DEPDC5: variants seen among roughly 807,000 people sequenced by gnomAD.
The protein encoded by DEPDC5 is DEP domain containing 5, GATOR1 subcomplex subunit, also known as GATOR1 complex protein DEPDC5.
Under a neutral mutation model 217.3 loss-of-function variants are expected in DEPDC5, and 73 were observed. The ratio of observed to expected loss-of-function variants is 0.34; its 90% confidence interval spans 0.28 to 0.41. The LOEUF (loss-of-function observed/expected upper bound fraction) is 0.41, where lower values mean the gene tolerates loss of function less well. Ranked by LOEUF, DEPDC5 falls within the 10% of genes least tolerant of loss-of-function variation. The pLI is 1.00. For synonymous variants in DEPDC5, 733 were observed against 756.7 expected (o/e 0.97, Z 0.51); for missense variants, 1,675 against 2,070.1 (o/e 0.81, Z 3.70).
At chr22:31,776,040 CAAAAA>C (rs753480175) in intron 7 of DEPDC5, among the ~76,000 whole-genome samples, 3 of 46,978 alleles carry the variant, frequency 6.4e-5, no homozygotes, top group Admixed American at 2.3e-4. Flanking sequence ...GACTACATCT[CAAAAA>C]AAAAAAAAAA....
At chr22:31,787,531 A>G (rs1239489611) in intron 10 of DEPDC5, among the ~76,000 whole-genome samples, 1 of 152,174 alleles carries the variant, frequency 6.6e-6, no homozygotes, top group African/African-American at 2.4e-5. Context: ...AAGAGGCCAG[A>G]CCTGCTGGCT....
intron 37 of DEPDC5, among the ~76,000 whole-genome samples, chr22:31,878,158 G>C (rs529270665): frequency 6.6e-6 from 1 of 151,310 alleles, no homozygotes; most frequent in African/African-American, 2.4e-5. Flanking sequence ...CTGCACTCCA[G>C]CTTCGTGACA....
intron 14 of DEPDC5, among the ~76,000 whole-genome samples, chr22:31,799,595 GCCTCAGCCTCCTGAGTAGC>G (rs530235410): frequency 6.7e-6 from 1 of 149,854 alleles, no homozygotes; most frequent in Non-Finnish European, 1.5e-5. Context: ...TGATTCTCCT[GCCTCAGCCTCCTGAGTAGC>G]CCTCAGCCTC....
chr22:31,905,527 T>A (rs1330654529), intron 41 of DEPDC5, among the ~76,000 whole-genome samples: 2 of 148,498 alleles, frequency 1.3e-5, no homozygotes, highest in Non-Finnish European at 3.0e-5. Context: ...TAGCCTCGAG[T>A]ATGCGGGTGG....
At chr22:31,850,960 C>T (rs1161101236) in intron 31 of DEPDC5, among the ~76,000 whole-genome samples, 2 of 150,630 alleles carry the variant, frequency 1.3e-5, no homozygotes, top group East Asian at 2.0e-4. Flanking sequence ...CCCAGCTACG[C>T]GGGAGGCTGA....
intron 39 of DEPDC5, among the ~76,000 whole-genome samples, chr22:31,895,831 C>G (rs543501111): frequency 1.1e-4 from 16 of 151,828 alleles, no homozygotes; most frequent in Non-Finnish European, 2.1e-4. Flanking sequence ...TGGAAAGACT[C>G]TCATCTGGGG....
At chr22:31,813,648 T>C (rs968714294) in intron 20 of DEPDC5, among the ~76,000 whole-genome samples, 1 of 151,648 alleles carries the variant, frequency 6.6e-6, no homozygotes, top group African/African-American at 2.4e-5. Flanking sequence ...TTAGAGGTTT[T>C]CCCCTTAGGG....
intron 7 of DEPDC5, among the ~76,000 whole-genome samples, chr22:31,770,269 A>G (rs1485185946): frequency 1.3e-5 from 2 of 151,936 alleles, no homozygotes; most frequent in Non-Finnish European, 2.9e-5. Context: ...ATAATTAAGC[A>G]TTCAAATAAT....
intron 8 of DEPDC5, among the ~76,000 whole-genome samples, chr22:31,781,710 A>G (rs112224585): frequency 3.9e-5 from 6 of 152,214 alleles, no homozygotes; most frequent in East Asian, 1.9e-4. Context: ...GATTACAGGC[A>G]TGAGCCACCA....
intron 38 of DEPDC5, among the ~76,000 whole-genome samples, chr22:31,889,258 C>T (rs1446675193): frequency 6.6e-6 from 1 of 152,218 alleles, no homozygotes; most frequent in Admixed American, 6.5e-5. Context: ...AAGCTGAACT[C>T]AGCTGGTCTC....
chr22:31,859,975 G>A (rs989145720), intron 32 of DEPDC5, among the ~76,000 whole-genome samples: 3 of 152,212 alleles, frequency 2.0e-5, no homozygotes, highest in Non-Finnish European at 2.9e-5. Context: ...CTGTCCACCA[G>A]GTTTTGCCTC....
intron 25 of DEPDC5, among the ~76,000 whole-genome samples, chr22:31,836,492 T>G (rs527900496): frequency 6.6e-6 from 1 of 152,370 alleles, no homozygotes; most frequent in African/African-American, 2.4e-5. Context: ...AATCTGTTAC[T>G]TATTTTTGCA....
intron 4 of DEPDC5, 70 bp downstream of exon 4, chr22:31,760,772 A>G: frequency 1.5e-6 from 2 of 1,345,050 alleles, no homozygotes; most frequent in South Asian, 2.6e-5. Context: ...ATCTCTCTTC[A>G]TAATTTCAAG....
intron 24 of DEPDC5, among the ~76,000 whole-genome samples, chr22:31,827,004 T>A (rs1050301112): frequency 1.3e-5 from 2 of 151,856 alleles, no homozygotes; most frequent in African/African-American, 4.8e-5. Context: ...TGTGATCCTT[T>A]CACCTCAGCA....
At chr22:31,808,222 A>T (rs1192778295) in intron 18 of DEPDC5, among the ~76,000 whole-genome samples, 2 of 150,868 alleles carry the variant, frequency 1.3e-5, no homozygotes, top group Non-Finnish European at 2.9e-5. Flanking sequence ...CAGCCTCCCC[A>T]ATAGCTAGGA....
chr22:31,847,947 G>A (rs1022756629), intron 31 of DEPDC5, among the ~76,000 whole-genome samples: 1 of 152,214 alleles, frequency 6.6e-6, no homozygotes, highest in Admixed American at 6.5e-5. Context: ...ATACAATGGG[G>A]TATGGGCATT....
intron 28 of DEPDC5, 68 bp from the exon 29 acceptor site, chr22:31,843,577 A>AGAC (rs1464486176): frequency 1.3e-6 from 2 of 1,541,556 alleles, no homozygotes; most frequent in Non-Finnish European, 1.8e-6. Context: ...ATAGAGATAG[A>AGAC]AAATAAGAAT....
rs867265978 is a variant in DEPDC5, at chr22:31,904,813, G to A, written c.4437-1171G>A. On this transcript the variant is annotated intron_variant, in intron 41 of 42. Transcript: ENST00000651528. ...AGCCTGTAGACAGGGAGCTTACAGT[G>A]CATAGTAGCCTACCCATTTAGTTTG... is the stretch of plus-strand genomic sequence containing the variant. 5.9e-5 allele frequency among the ~76,000 whole-genome samples: 9 copies of A among 152,294 alleles called. No individual in the cohort carries two copies. The South Asian group carries it at 1.2e-3, about 21-fold the overall frequency.
In DEPDC5 at chr22:31,897,721, C is replaced by T. The variant is rs533621894; in HGVS notation, c.4375+68C>T. On this transcript the variant is annotated intron_variant, in intron 40 of 42. Transcript: ENST00000651528. The stretch of plus-strand genomic sequence containing the variant: ...CCCCGTCCCTAACAAGGACACCACT[C>T]TGGGTATCCAGTCAACACGGACTAG... The T allele has an allele frequency of 2.6e-6, 4 of 1,558,148 alleles. No homozygotes were observed. In the South Asian group the frequency reaches 4.7e-5, roughly 18 times the overall value.
Sources: allele counts gnomAD v4.1 joint callset (sites outside exome capture counted in the v4.1 genomes callset), GRCh38; gene constraint gnomAD v4.1.1; transcripts MANE v1.5; gene names NCBI Gene and HGNC (gene_info 2026-07-23, HGNC 2026-07-21).